The following STK3 variants were observed in gnomAD, a reference collection of about 807,000 sequenced individuals.
STK3 encodes serine/threonine kinase 3.
Under a neutral mutation model 58.0 loss-of-function variants are expected in STK3, and 41 were observed. The observed-to-expected ratio is 0.71, with a 90% CI of 0.55 to 0.92. The LOEUF is 0.92. STK3 is among the 40% of genes least tolerant of loss of function. The pLI, the probability that STK3 is intolerant of heterozygous loss-of-function variation, is 0.00. For missense variants in STK3, 479 were observed against 602.7 expected, an observed-to-expected ratio of 0.79 and a Z score of 2.15; for synonymous variants, 170 against 191.0, an observed-to-expected ratio of 0.89 and a Z score of 0.91.
chr8:98,850,783 G>C (rs1836435729), intron 3 of STK3, among the ~76,000 whole-genome samples: 1 of 152,160 alleles, frequency 6.6e-6, no homozygotes, highest in Non-Finnish European at 1.5e-5. Context: ...CTGTGTGCCT[G>C]GGGGTTCAGA....
At chr8:98,489,757 T>A (rs1822549209) in intron 10 of STK3, among the ~76,000 whole-genome samples, 1 of 152,208 alleles carries the variant, frequency 6.6e-6, no homozygotes, top group Non-Finnish European at 1.5e-5. Flanking sequence ...TGAATTAGTA[T>A]TATTAGACTG....
intron 8 of STK3, among the ~76,000 whole-genome samples, chr8:98,579,121 C>T (rs1156948568): frequency 2.0e-5 from 3 of 151,816 alleles, no homozygotes; most frequent in East Asian, 1.9e-4. Flanking sequence ...ACTGTACTCC[C>T]GCCCAGGTAA....
At chr8:98,388,914 G>C (rs1028776005), upstream of STK3, among the ~76,000 whole-genome samples, 1 of 152,180 alleles carries the variant, frequency 6.6e-6, no homozygotes, top group East Asian at 1.9e-4. Context: ...TTAAGTTCTA[G>C]ATCTGCCACT....
rs1564038979 is a variant in STK3 at position 98,825,588 on chromosome 8, A to C, written c.-48T>G. The C allele has an allele frequency of 7.1e-7, 1 of 1,405,224 alleles. No homozygotes were observed. The allele number at this position is 1,405,224 out of a possible 1,614,324, so 87.0% of individuals were successfully genotyped here. A position where few individuals can be genotyped will look rare whatever the true frequency, so the allele number is the denominator to read the frequency against. On this transcript the variant is annotated 5_prime_UTR_variant, in exon 1 of 11. Coordinates refer to ENST00000419617, the MANE Select transcript of STK3 (RefSeq NM_006281.4). ...GACCTGGTGGACGGCGAAGGCCGAA[A>C]GGAGGAAAGGAGCCGGGGCACCGGC...
intron 10 of STK3, among the ~76,000 whole-genome samples, chr8:98,462,569 A>G (rs1820082737): frequency 1.3e-5 from 2 of 151,514 alleles, no homozygotes; most frequent in African/African-American, 2.4e-5. Context: ...TATGAGGTTG[A>G]GTTTACAGGA....
chr8:98,931,022 T>G (rs1249144251), intron 1 of STK3, among the ~76,000 whole-genome samples: 1 of 152,194 alleles, frequency 6.6e-6, no homozygotes, highest in African/African-American at 2.4e-5. Flanking sequence ...ACAGCTTCTG[T>G]CTGACCCATG....
chr8:98,864,511 T>C (rs918938652), intron 3 of STK3, among the ~76,000 whole-genome samples: 1 of 152,206 alleles, frequency 6.6e-6, no homozygotes, highest in Non-Finnish European at 1.5e-5. Flanking sequence ...TCTGTTTTCA[T>C]ATAACTAAAC....
intron 10 of STK3, among the ~76,000 whole-genome samples, chr8:98,469,637 T>C (rs1820767941): frequency 6.6e-6 from 1 of 152,232 alleles, no homozygotes; most frequent in Non-Finnish European, 1.5e-5. Context: ...GGGATCAGAA[T>C]TTCAGCTCTG....
At chr8:98,830,824 GC>G (rs1463130712) in intron 3 of STK3, among the ~76,000 whole-genome samples, 3 of 151,976 alleles carry the variant, frequency 2.0e-5, no homozygotes, top group Non-Finnish European at 4.4e-5. Flanking sequence ...CAAAAAATTA[GC>G]CAGGCGTGGT....
intron 2 of STK3, among the ~76,000 whole-genome samples, chr8:98,377,950 G>T (rs1817691618): frequency 6.6e-6 from 1 of 152,192 alleles, no homozygotes; most frequent in Non-Finnish European, 1.5e-5. Flanking sequence ...AGCCGTGAAT[G>T]CAGGGACATA....
the STK3 span, among the ~76,000 whole-genome samples, chr8:98,356,411 C>T: frequency 2.0e-5 from 3 of 152,108 alleles, no homozygotes; most frequent in Non-Finnish European, 2.9e-5. Flanking sequence ...TCTTAGCTGA[C>T]GCTCAGCTTA....
chr8:98,683,421 G>A (rs1823771625), intron 6 of STK3, among the ~76,000 whole-genome samples: 1 of 151,952 alleles, frequency 6.6e-6, no homozygotes, highest in African/African-American at 2.4e-5. Context: ...CACCACAGAA[G>A]TATCTTTGAG....
intron 4 of STK3, among the ~76,000 whole-genome samples, chr8:98,742,603 T>G (rs1247822023): frequency 7.5e-6 from 1 of 133,898 alleles, no homozygotes; most frequent in Non-Finnish European, 1.6e-5. Context: ...GAGCTATCTA[T>G]GACAAACCCA....
intron 1 of STK3, among the ~76,000 whole-genome samples, chr8:98,783,505 G>A (rs867877541): frequency 2.6e-5 from 4 of 152,154 alleles, no homozygotes; most frequent in Middle Eastern, 3.2e-3. Flanking sequence ...AAATCTTTTT[G>A]CTGGTGGAGA....
rs553131907 is a variant in STK3 at position 98,557,814 on chromosome 8, C to T, written c.949-9653G>A. Among the ~76,000 whole-genome samples the T allele has an allele frequency of 2.4e-4, 36 of 152,172 alleles. No individual in the cohort carries two copies. The Middle Eastern group carries it at 0.031, about 129-fold the overall frequency. On this transcript the variant is annotated intron_variant, in intron 8 of 10. Coordinates refer to ENST00000419617, the MANE Select transcript of STK3 (RefSeq NM_006281.4). ...CAAACAGAAACTTCATGGATCCTAA[C>T]TTTTTGCACATTCACAGGCATGTTT... is the stretch of plus-strand genomic sequence containing the variant.
chr8:98,734,409 A>G lies in STK3; in HGVS notation c.351+14867T>C, dbSNP rs184326082. Among the ~76,000 whole-genome samples the G allele has an allele frequency of 8.5e-5, 13 of 152,340 alleles. No homozygotes were observed. In the East Asian group the frequency reaches 2.3e-3, roughly 27 times the overall value. ...CCCATATTGCTGAAAGCCTGGGTTC[A>G]TGCCGTTTCTCCTATACTAGGTTGA... is the stretch of plus-strand genomic sequence containing the variant. On this transcript the variant is annotated intron_variant, in intron 4 of 10. Transcript: ENST00000419617.
In STK3 at chr8:98,607,465, T is replaced by A. The variant is rs148537343; in HGVS notation, c.685-11296A>T. Among the ~76,000 whole-genome samples the A allele has an allele frequency of 2.0e-4, 31 of 152,352 alleles. 1 individual carries two copies. The Middle Eastern group carries it at 0.014, about 67-fold the overall frequency. ...TTCTTCATTGTCATGCATTCACAAT[T>A]TTTTTGAATCTGTGAATTCACAAAA... On this transcript the variant is annotated intron_variant, in intron 6 of 10. Transcript: ENST00000419617.
intron 1 of STK3, among the ~76,000 whole-genome samples, chr8:98,444,899 T>A (rs1818869456): frequency 6.6e-6 from 1 of 152,168 alleles, no homozygotes; most frequent in African/African-American, 2.4e-5. Flanking sequence ...CTGAGAATAG[T>A]GATAATTGAA....
chr8:98,507,082 G>A (rs1427460177), intron 10 of STK3, among the ~76,000 whole-genome samples: 1 of 152,164 alleles, frequency 6.6e-6, no homozygotes, highest in Non-Finnish European at 1.5e-5. Context: ...CATGGGAAAT[G>A]AATACAGACC....
Sources: gnomAD v4.1 joint callset for allele counts (sites outside exome capture counted in the v4.1 genomes callset) on GRCh38, gnomAD v4.1.1 for gene constraint, MANE v1.5 for transcripts, NCBI Gene and HGNC (gene_info 2026-07-23, HGNC 2026-07-21) for gene names.